Variants in GLIS1 observed in about 807,000 individuals in gnomAD.
The protein encoded by GLIS1 is GLIS family zinc finger 1.
In GLIS1, 24 loss-of-function variants were observed where a neutral mutation model predicts 63.8. The observed-to-expected ratio is 0.38, with a 90% CI of 0.27 to 0.53. GLIS1 has a LOEUF of 0.53. Among genes scored for constraint, GLIS1 ranks in the 20% least tolerant of loss-of-function variants. The probability of loss-of-function intolerance (pLI) is 0.85; values close to 1 mark genes in which losing one functional copy is unlikely to be tolerated. For synonymous variants in GLIS1, 450 were observed against 482.5 expected (o/e 0.93, Z 0.88); for missense variants, 1,036 against 1,074.1 (o/e 0.96, Z 0.50).
In GLIS1 at chr1:53,600,184, G is replaced by A; in HGVS notation, c.354C>T (p.Gly118=). 3.2e-6 allele frequency: 4 copies of A among 1,231,748 alleles called. No homozygotes were observed. Among genetic ancestry groups the A allele is most frequent in the Non-Finnish European group, 4.1e-6 (4 of 987,606 alleles). 76.3% of individuals were successfully genotyped at this position (1,231,748 alleles called of 1,614,324 possible). Residue 118 remains glycine, a synonymous_variant, in exon 3 of 11, where the codon GGC becomes GGT. Coordinates refer to ENST00000628545, the MANE Select transcript of GLIS1 (RefSeq NM_001367484.1). ...AEGPGPTCCQ[G]LFLPAGSPPP... ...GTGGGCTTCCTGCAGGGAGAAACAG[G>A]CCCTGGCAGCAGGTGGGGCCAGGGC...
intron 2 of GLIS1, among the ~76,000 whole-genome samples, chr1:53,631,322 G>C (rs1417184325): frequency 6.6e-6 from 1 of 152,124 alleles, no homozygotes; most frequent in Non-Finnish European, 1.5e-5. Flanking sequence ...ATGTAGGTGA[G>C]GATTTAACTT....
chr1:53,605,238 G>C (rs113567243), intron 2 of GLIS1, among the ~76,000 whole-genome samples: 1 of 152,118 alleles, frequency 6.6e-6, no homozygotes, highest in Non-Finnish European at 1.5e-5. Context: ...GCCTGGCTCT[G>C]GGGCCACTAC....
chr1:53,511,790 G>A lies in GLIS1; in HGVS notation c.1884-1763C>T, dbSNP rs956168180. On this transcript the variant is annotated intron_variant, in intron 8 of 10. Transcript: ENST00000628545. The surrounding 1 kb of genome is among the most constrained non-coding windows in gnomAD (Gnocchi z 4.2). ...GCTGAAGCTGGGCTGGGGCCTGGCCGGAGAGTGGCTCCTCCTTCCTGCAGG... is the reference window on the plus strand; with the variant it reads ...GCTGAAGCTGGGCTGGGGCCTGGCCAGAGAGTGGCTCCTCCTTCCTGCAGG... 2.0e-5 allele frequency among the ~76,000 whole-genome samples: 3 copies of A among 152,142 alleles called. No individual in the cohort carries two copies. Among genetic ancestry groups the A allele is most frequent in the Non-Finnish European group, 2.9e-5 (2 of 68,024 alleles).
chr1:53,613,132 A>AAAT (rs1645443559), intron 2 of GLIS1, among the ~76,000 whole-genome samples: 1 of 152,202 alleles, frequency 6.6e-6, no homozygotes, highest in African/African-American at 2.4e-5. Context: ...GCCTTTAAAC[A>AAAT]AATGCTTTTT....
intron 4 of GLIS1, among the ~76,000 whole-genome samples, chr1:53,581,310 T>C (rs1288518983): frequency 6.6e-6 from 1 of 152,100 alleles, no homozygotes; most frequent in East Asian, 1.9e-4. Flanking sequence ...CGTGCAGCCC[T>C]CAACACGACC....
chr1:53,578,771 A>G (rs1252470144), intron 4 of GLIS1, among the ~76,000 whole-genome samples: 1 of 152,208 alleles, frequency 6.6e-6, no homozygotes, highest in East Asian at 1.9e-4. Flanking sequence ...ACTATCCATC[A>G]TTTCTTAATG....
chr1:53,719,264 C>T (rs1646729437), intron 2 of GLIS1, among the ~76,000 whole-genome samples: 1 of 152,242 alleles, frequency 6.6e-6, no homozygotes, highest in Admixed American at 6.5e-5. Context: ...TGCTCGGCGT[C>T]CAGGGCTGTG....
chr1:53,706,344 C>G (rs1414737534), intron 2 of GLIS1, among the ~76,000 whole-genome samples: 1 of 152,228 alleles, frequency 6.6e-6, no homozygotes, highest in Admixed American at 6.5e-5. Context: ...ACTTACATGA[C>G]AGAGTCTGGC....
chr1:53,614,749 ACT>A lies in GLIS1; in HGVS notation c.260-14473_260-14472del, dbSNP rs1439511782. On this transcript the variant is annotated intron_variant, in intron 2 of 10. Coordinates refer to ENST00000628545, the MANE Select transcript of GLIS1 (RefSeq NM_001367484.1). ...TCCTCATTGGAGTGGTGGCAATGTG[ACT>A]CTATGCATTTGTCAGATCTCACAGA... is the stretch of plus-strand genomic sequence containing the variant. Among the ~76,000 whole-genome samples, 8 of 151,894 alleles carry A rather than the reference ACT, an allele frequency of 5.3e-5. No individual in the cohort carries two copies. The South Asian group carries it at 6.3e-4, about 12-fold the overall frequency.
intron 2 of GLIS1, among the ~76,000 whole-genome samples, chr1:53,674,185 A>AG (rs1213721044): frequency 7.9e-5 from 12 of 151,852 alleles, no homozygotes; most frequent in East Asian, 5.8e-4. Context: ...AAAAAAAAAA[A>AG]AAAAGAAAAG....
At chr1:53,637,409 C>T (rs1346657998) in intron 2 of GLIS1, among the ~76,000 whole-genome samples, 1 of 152,150 alleles carries the variant, frequency 6.6e-6, no homozygotes, top group Non-Finnish European at 1.5e-5. Context: ...GTGAGTGCAG[C>T]AATGAGACCA....
At chr1:53,518,002 A>G (rs1300746206) in intron 7 of GLIS1, among the ~76,000 whole-genome samples, 3 of 152,256 alleles carry the variant, frequency 2.0e-5, no homozygotes, top group Non-Finnish European at 1.5e-5. Flanking sequence ...AAAACGCACC[A>G]CTTCAGGCTG....
intron 4 of GLIS1, among the ~76,000 whole-genome samples, chr1:53,541,241 G>T (rs906554804): frequency 2.0e-5 from 3 of 152,218 alleles, no homozygotes; most frequent in Admixed American, 1.3e-4. Context: ...ACTCATCAGG[G>T]CTGCTCAGAG....
chr1:53,579,629 T>C (rs1341605799), intron 4 of GLIS1, among the ~76,000 whole-genome samples: 1 of 152,236 alleles, frequency 6.6e-6, no homozygotes, highest in Non-Finnish European at 1.5e-5. Flanking sequence ...CAGCTGGAGC[T>C]GGAAGCAGCC....
At chr1:53,525,802 G>A (rs879940614) in intron 5 of GLIS1, among the ~76,000 whole-genome samples, 7 of 151,912 alleles carry the variant, frequency 4.6e-5, no homozygotes, top group African/African-American at 9.7e-5. Context: ...CCGCAGCCAC[G>A]TCACCTCCTC....
intron 4 of GLIS1, among the ~76,000 whole-genome samples, chr1:53,556,036 GGTGT>G (rs143953220): frequency 0.045 from 5,284 of 116,198 alleles, 545 homozygotes; most frequent in African/African-American, 0.19. Context: ...GTGTATTGCA[GGTGT>G]GTGTGTGTGT....
At chr1:53,577,875 C>T (rs1645048318) in intron 4 of GLIS1, among the ~76,000 whole-genome samples, 1 of 152,102 alleles carries the variant, frequency 6.6e-6, no homozygotes, top group Non-Finnish European at 1.5e-5. Flanking sequence ...TCCTCCTCTG[C>T]CACCACTCCA....
At chr1:53,618,035 C>T (rs79940482) in intron 2 of GLIS1, among the ~76,000 whole-genome samples, 167 of 152,370 alleles carry the variant, frequency 1.1e-3, no homozygotes, top group Middle Eastern at 3.4e-3. Context: ...GGTGAGCAGG[C>T]AGTCCAGGCC....
chr1:53,642,844 T>C (rs765612631), intron 2 of GLIS1, among the ~76,000 whole-genome samples: 1 of 152,222 alleles, frequency 6.6e-6, no homozygotes, highest in Admixed American at 6.5e-5. Context: ...CCCTGCACTG[T>C]AACTTAGTTC....
Sources: allele counts gnomAD v4.1 joint callset (sites outside exome capture counted in the v4.1 genomes callset), GRCh38; gene constraint gnomAD v4.1.1; non-coding constraint Gnocchi (gnomAD v3.1); transcripts MANE v1.5; gene names NCBI Gene and HGNC (gene_info 2026-07-23, HGNC 2026-07-21).